C22orf39: variants seen among roughly 807,000 people sequenced by gnomAD.
The protein encoded by C22orf39 is synaptic plasticity regulator PANTS.
C22orf39 carries 20 observed loss-of-function variants against 18.3 expected under a neutral mutation model. The observed-to-expected ratio is 1.09, with a 90% CI of 0.77 to 1.59. C22orf39 has a LOEUF of 1.59. Among genes scored for constraint, C22orf39 ranks in the 40% most tolerant of loss-of-function variants. C22orf39 has a pLI of 0.00. For synonymous variants in C22orf39, 63 were observed against 59.6 expected, an observed-to-expected ratio of 1.06 and a Z score of -0.26; for missense variants, 195 against 156.1, an observed-to-expected ratio of 1.25 and a Z score of -1.33.
chr22:19,442,043 A>G lies in C22orf39; in HGVS notation c.*2222T>C, dbSNP rs2089615822. The G allele has an allele frequency of 5.3e-6, 1 of 186,988 alleles. No homozygotes were observed. Among genetic ancestry groups the G allele is most frequent in the Non-Finnish European group, 1.1e-5 (1 of 90,246 alleles). 11.6% of individuals were successfully genotyped at this position (186,988 alleles called of 1,614,324 possible). A position where few individuals can be genotyped will look rare whatever the true frequency, so the allele number is the denominator to read the frequency against. ...TGGGCTCAAGCAATCCTCCCACCTC[A>G]GCCTCCCAAAGTGCTGGGATAACAG... On this transcript the variant is annotated 3_prime_UTR_variant, in exon 3 of 3. Transcript: ENST00000399562.
chr22:19,446,803 G>A (rs1247218236), intron 2 of C22orf39, among the ~76,000 whole-genome samples: 1 of 152,048 alleles, frequency 6.6e-6, no homozygotes, highest in African/African-American at 2.4e-5. Context: ...CCTGGGCTTA[G>A]GCGATCCTCC....
rs1370524942 is a variant in C22orf39 at position 19,447,512 on chromosome 22, A to G, written c.58T>C (p.Trp20Arg). The change falls in exon 2 of 3, where the codon TGG (tryptophan) becomes CGG (arginine). Residue 20 changes from tryptophan to arginine, a missense_variant. Transcript: ENST00000399562. ...TGCCTGGCGCTGCGGCAGAGCTTCC[A>G]CTCGGCGCGGTAGGCCTCGCAGGGG... ...PRPCEAYRAEWKLCRSARHFL... is the reference protein window; with the variant it reads ...PRPCEAYRAERKLCRSARHFL... The G allele has an allele frequency of 1.3e-6, 2 of 1,490,246 alleles. No homozygotes were observed. Among genetic ancestry groups the G allele is most frequent in the South Asian group, 2.6e-5 (2 of 77,748 alleles). 92.3% of individuals were successfully genotyped at this position (1,490,246 alleles called of 1,614,324 possible).
chr22:19,442,357 C>T lies in C22orf39; in HGVS notation c.*1908G>A, dbSNP rs542387151. On this transcript the variant is annotated 3_prime_UTR_variant, in exon 3 of 3. Coordinates refer to ENST00000399562, the MANE Select transcript of C22orf39 (RefSeq NM_173793.5). ...TGATAGTCACACTACAGAGGCAGGA[C>T]TTAATGCTTCCTAACAGAGCATGCA... is the stretch of plus-strand genomic sequence containing the variant. The T allele has an allele frequency of 6.6e-6, 1 of 152,424 alleles. No homozygotes were observed. Among genetic ancestry groups the T allele is most frequent in the African/African-American group, 2.4e-5 (1 of 41,456 alleles). 9.4% of individuals were successfully genotyped at this position (152,424 alleles called of 1,614,324 possible).
Position 19,447,700 on chromosome 22 carries a change from C to G in C22orf39, c.-12G>C, listed in dbSNP as rs560643297. Reference sequence around the variant, plus strand: ...CTGCCGTCCGCCATGTCTGGGCGACCGGCGCGCCAAGCCCGCCCCTCAGTC... The same window carrying G: ...CTGCCGTCCGCCATGTCTGGGCGACGGGCGCGCCAAGCCCGCCCCTCAGTC... On this transcript the variant is annotated 5_prime_UTR_variant, in exon 1 of 3. Coordinates refer to ENST00000399562, the MANE Select transcript of C22orf39 (RefSeq NM_173793.5). 9 of 1,607,812 alleles carry G rather than the reference C, an allele frequency of 5.6e-6. No individual in the cohort carries two copies. The highest frequency in any genetic ancestry group is 2.2e-5 in the South Asian group (2 of 90,102).
chr22:19,445,488 C>T (rs1179039263), intron 2 of C22orf39, among the ~76,000 whole-genome samples: 1 of 152,192 alleles, frequency 6.6e-6, no homozygotes, highest in South Asian at 2.1e-4. Flanking sequence ...CCAATTACTT[C>T]CCTGGGATAA....
intron 2 of C22orf39, among the ~76,000 whole-genome samples, chr22:19,444,637 G>A (rs542894890): frequency 1.8e-4 from 28 of 152,258 alleles, no homozygotes; most frequent in South Asian, 8.3e-4. Context: ...ATAATAATTT[G>A]AGGAATTTTT....
chr22:19,447,199 C>T (rs1203881187), intron 2 of C22orf39, among the ~76,000 whole-genome samples, 179 bp downstream of exon 2: 1 of 152,206 alleles, frequency 6.6e-6, no homozygotes, highest in Non-Finnish European at 1.5e-5. Context: ...GTCTTTCACG[C>T]CCTCTGAAAG....
chr22:19,444,433 C>T (rs2089629820), intron 2 of C22orf39, 43 bp from the exon 3 acceptor site: 1 of 1,571,826 alleles, frequency 6.4e-7, no homozygotes, highest in Admixed American at 1.9e-5. Context: ...CTCTGAGCAC[C>T]CTCAAGACCC....
chr22:19,446,652 T>C (rs2089641129), intron 2 of C22orf39, among the ~76,000 whole-genome samples: 1 of 152,256 alleles, frequency 6.6e-6, no homozygotes, highest in South Asian at 2.1e-4. Flanking sequence ...TCTCTGCTCC[T>C]GTAATATATT....
chr22:19,447,527 C>A lies in C22orf39; in HGVS notation c.43G>T (p.Ala15Ser). The A allele has an allele frequency of 3.4e-6, 5 of 1,466,882 alleles. No homozygotes were observed. In the South Asian group the frequency reaches 6.8e-5, roughly 20 times the overall value. The allele number at this position is 1,466,882 out of a possible 1,614,324, so 90.9% of individuals were successfully genotyped here. ...SGWQPPRPCE[A>S]YRAEWKLCRS... Reference sequence around the variant, plus strand: ...CAGAGCTTCCACTCGGCGCGGTAGGCCTCGCAGGGGCGCGGCGGCTGCGGC... The same window carrying A: ...CAGAGCTTCCACTCGGCGCGGTAGGACTCGCAGGGGCGCGGCGGCTGCGGC... The change falls in exon 2 of 3, where the codon GCC becomes TCC. Residue 15 changes from alanine to serine, a missense_variant. Transcript: ENST00000399562.
Position 19,447,541 on chromosome 22 carries a change from G to A in C22orf39, c.29C>T (p.Pro10Leu). ...GGCGCGGTAGGCCTCGCAGGGGCGC[G>A]GCGGCTGCGGCGAGAGGCGGCGCCT... Reference protein sequence around the residue: MADGSGWQPPRPCEAYRAEW... With the variant: MADGSGWQPLRPCEAYRAEW... The change falls in exon 2 of 3, where the codon CCG (proline) becomes CTG (leucine). Residue 10 changes from proline to leucine, a missense_variant. By Grantham distance (98) the Pro-to-Leu change is moderately conservative (BLOSUM62 -3). Transcript: ENST00000399562. 2 of 1,431,000 alleles carry A rather than the reference G, an allele frequency of 1.4e-6. No homozygotes were observed. Among genetic ancestry groups the A allele is most frequent in the Non-Finnish European group, 9.1e-7 (1 of 1,097,170 alleles). The allele number at this position is 1,431,000 out of a possible 1,614,324, so 88.6% of individuals were successfully genotyped here.
Position 19,442,214 on chromosome 22 carries a change from A to G in C22orf39, c.*2051T>C, listed in dbSNP as rs1022011847. ...GTCTTATAAGCCTCAAACCCTGTCCAACATGTGGACACTCAGATGTTGTGA... is the reference window on the plus strand; with the variant it reads ...GTCTTATAAGCCTCAAACCCTGTCCGACATGTGGACACTCAGATGTTGTGA... On this transcript the variant is annotated 3_prime_UTR_variant, in exon 3 of 3. Transcript: ENST00000399562. 1.3e-5 allele frequency: 2 copies of G among 152,860 alleles called. No homozygotes were observed. Among genetic ancestry groups the G allele is most frequent in the Admixed American group, 6.5e-5 (1 of 15,382 alleles). The allele number at this position is 152,860 out of a possible 1,614,324, so 9.5% of individuals were successfully genotyped here.
chr22:19,443,683 C>T lies in C22orf39; in HGVS notation c.*582G>A. On this transcript the variant is annotated 3_prime_UTR_variant, in exon 3 of 3. Coordinates refer to ENST00000399562, the MANE Select transcript of C22orf39 (RefSeq NM_173793.5). ...AAAACCAGAGTCTCCAGGGGCCGAC[C>T]TGGGAGCCTAAGAAGTGAAGCCTGC... 2.0e-6 allele frequency: 2 copies of T among 983,456 alleles called. No individual in the cohort carries two copies. Among genetic ancestry groups the T allele is most frequent in the African/African-American group, 3.5e-5 (2 of 57,184 alleles). The allele number at this position is 983,456 out of a possible 1,614,324, so 60.9% of individuals were successfully genotyped here.
In C22orf39 at chr22:19,441,275, A is replaced by G. The variant is rs759715656; in HGVS notation, c.*2990T>C. The G allele has an allele frequency of 2.6e-5, 5 of 191,920 alleles. No individual in the cohort carries two copies. The highest frequency in any genetic ancestry group is 5.3e-5 in the Non-Finnish European group (5 of 94,178). The allele number at this position is 191,920 out of a possible 1,614,324, so 11.9% of individuals were successfully genotyped here. On this transcript the variant is annotated 3_prime_UTR_variant, in exon 3 of 3. Coordinates refer to ENST00000399562, the MANE Select transcript of C22orf39 (RefSeq NM_173793.5). ...TCTCTATAATTACATTATTTCACCA[A>G]TGTTACATAAATGGAATCCTGCTAC...
In C22orf39 at chr22:19,444,083, G is replaced by A; in HGVS notation, c.*182C>T. The A allele has an allele frequency of 7.5e-7, 1 of 1,337,630 alleles. No homozygotes were observed. Among genetic ancestry groups the A allele is most frequent in the Non-Finnish European group, 9.5e-7 (1 of 1,051,670 alleles). The allele number at this position is 1,337,630 out of a possible 1,614,324, so 82.9% of individuals were successfully genotyped here. On this transcript the variant is annotated 3_prime_UTR_variant, in exon 3 of 3. Coordinates refer to ENST00000399562, the MANE Select transcript of C22orf39 (RefSeq NM_173793.5). ...TCCTGCAGAACATCGCAGTGTCAGG[G>A]TATCCTGCATGCAGGTGAGGGGTGG...
At position 19,442,397 on chromosome 22, in the gene C22orf39, A is replaced by G. The variant is rs2089618127; in HGVS notation, c.*1868T>C. On this transcript the variant is annotated 3_prime_UTR_variant, in exon 3 of 3. Coordinates refer to ENST00000399562, the MANE Select transcript of C22orf39 (RefSeq NM_173793.5). The stretch of plus-strand genomic sequence containing the variant: ...CAGAGCATGCAGCCGCACAATGCAT[A>G]CCTTGCTAAACAAGCAGGTGGCAGG... 6.6e-6 allele frequency: 1 copy of G among 152,304 alleles called. No homozygotes were observed. The allele number at this position is 152,304 out of a possible 1,614,324, so 9.4% of individuals were successfully genotyped here.
intron 2 of C22orf39, 97 bp downstream of exon 2, chr22:19,447,281 T>A: frequency 7.9e-7 from 1 of 1,266,696 alleles, no homozygotes; most frequent in Non-Finnish European, 1.0e-6. Flanking sequence ...ACCCCGTCAG[T>A]CCCCGGCTAG....
At position 19,443,620 on chromosome 22, in the gene C22orf39, T is replaced by C. The variant is rs577947998; in HGVS notation, c.*645A>G. The C allele has an allele frequency of 1.0e-6, 1 of 985,468 alleles. No individual in the cohort carries two copies. Among genetic ancestry groups the C allele is most frequent in the Admixed American group, 6.2e-5 (1 of 16,250 alleles). The allele number at this position is 985,468 out of a possible 1,614,324, so 61.0% of individuals were successfully genotyped here. ...CAGCTGAGTCCACAAACCCTCTTTA[T>C]GCAAGGTTGTGTGTTCTGTAGCTGT... On this transcript the variant is annotated 3_prime_UTR_variant, in exon 3 of 3. Transcript: ENST00000399562.
rs1601877069 is a variant in C22orf39 at position 19,441,459 on chromosome 22, G to C, written c.*2806C>G. ...CAACAATAATATGCTATATATAACA[G>C]TCTATGCCAGATAATAATGTAAAAT... On this transcript the variant is annotated 3_prime_UTR_variant, in exon 3 of 3. Transcript: ENST00000399562. 3.4e-6 allele frequency: 2 copies of C among 579,804 alleles called. No homozygotes were observed. The highest frequency in any genetic ancestry group is 5.7e-5 in the East Asian group (2 of 35,104). The allele number at this position is 579,804 out of a possible 1,614,324, so 35.9% of individuals were successfully genotyped here.
Sources: gnomAD v4.1 joint callset for allele counts (sites outside exome capture counted in the v4.1 genomes callset) on GRCh38, gnomAD v4.1.1 for gene constraint, MANE v1.5 for transcripts, NCBI Gene and HGNC (gene_info 2026-07-23, HGNC 2026-07-21) for gene names.